Variants in ENTPD1 observed in about 807,000 individuals in gnomAD.
ENTPD1 encodes ATP diphosphohydrolase.
A neutral mutation model predicts 57.0 loss-of-function variants in ENTPD1; 33 were observed. The observed-to-expected ratio is 0.58, with a 90% CI of 0.44 to 0.77. ENTPD1 has a LOEUF of 0.77. Among genes scored for constraint, ENTPD1 ranks in the 30% least tolerant of loss-of-function variants. The probability of loss-of-function intolerance (pLI) is 0.00; values close to 1 mark genes in which losing one functional copy is unlikely to be tolerated. For missense variants in ENTPD1, 501 were observed against 603.4 expected, an observed-to-expected ratio of 0.83 and a Z score of 1.78; for synonymous variants, 202 against 218.8, an observed-to-expected ratio of 0.92 and a Z score of 0.68.
intron 1 of ENTPD1, among the ~76,000 whole-genome samples, chr10:95,735,797 G>A (rs909917800): frequency 1.3e-5 from 2 of 151,392 alleles, no homozygotes; most frequent in Non-Finnish European, 2.9e-5. Flanking sequence ...GTGTTTCACC[G>A]TGTTGTCCAG....
At chr10:95,703,816 C>T in the ENTPD1 span, among the ~76,000 whole-genome samples, 13 of 142,712 alleles carry the variant, frequency 9.1e-5, no homozygotes, top group Admixed American at 1.4e-4. Context: ...TCTGACTGGG[C>T]GCAGTGGCTC....
Position 95,868,043 on chromosome 10 carries a change from A to G in ENTPD1, c.*1660A>G. The G allele has an allele frequency of 2.0e-6, 2 of 985,454 alleles. No homozygotes were observed. The highest frequency in any genetic ancestry group is 2.4e-6 in the Non-Finnish European group (2 of 829,936). 61.0% of individuals were successfully genotyped at this position (985,454 alleles called of 1,614,324 possible). A position where few individuals can be genotyped will look rare whatever the true frequency, so the allele number is the denominator to read the frequency against. On this transcript the variant is annotated 3_prime_UTR_variant, in exon 10 of 10. Coordinates refer to ENST00000371205, the MANE Select transcript of ENTPD1 (RefSeq NM_001776.6). ...ATACTGTCATCGCTGCTGTTGGTTG[A>G]GCATTTGTGGTGTACCACGCTGTGT...
At chr10:95,792,954 A>G (rs2098211465) in intron 1 of ENTPD1, among the ~76,000 whole-genome samples, 1 of 152,112 alleles carries the variant, frequency 6.6e-6, no homozygotes, top group Non-Finnish European at 1.5e-5. Context: ...ATAGTACCAT[A>G]CTTGTGTGTC....
chr10:95,743,064 T>C (rs1321964274), intron 1 of ENTPD1, among the ~76,000 whole-genome samples: 1 of 152,258 alleles, frequency 6.6e-6, no homozygotes, highest in Non-Finnish European at 1.5e-5. Flanking sequence ...CCCAATGTTC[T>C]TTTCTGTTCC....
At chr10:95,854,719 C>T (rs1309680613) in intron 7 of ENTPD1, among the ~76,000 whole-genome samples, 7 of 152,134 alleles carry the variant, frequency 4.6e-5, no homozygotes, top group Non-Finnish European at 1.0e-4. Flanking sequence ...GCAGGTTGTT[C>T]AGTTTCCATG....
intron 1 of ENTPD1, among the ~76,000 whole-genome samples, chr10:95,746,329 T>C (rs2098006017): frequency 6.6e-6 from 1 of 152,058 alleles, no homozygotes; most frequent in Non-Finnish European, 1.5e-5. Flanking sequence ...GTGAAGTAGA[T>C]TAAAAAAAAG....
At chr10:95,766,704 G>C (rs1365607784) in intron 1 of ENTPD1, among the ~76,000 whole-genome samples, 1 of 151,718 alleles carries the variant, frequency 6.6e-6, no homozygotes, top group African/African-American at 2.4e-5. Flanking sequence ...TTTTAATAAA[G>C]GAATGTAAAC....
intron 1 of ENTPD1, among the ~76,000 whole-genome samples, chr10:95,807,260 C>T (rs2098276986): frequency 1.3e-5 from 2 of 152,234 alleles, no homozygotes; most frequent in Non-Finnish European, 2.9e-5. Flanking sequence ...GCGGTTCAAT[C>T]TCAGACTGCT....
At chr10:95,731,248 G>A (rs7094855) in intron 1 of ENTPD1, among the ~76,000 whole-genome samples, 40,961 of 151,890 alleles carry the variant, frequency 0.27, 6,130 homozygotes, top group African/African-American at 0.4. Context: ...CTGAGAGACC[G>A]GCCAGAGTGA....
intron 1 of ENTPD1, among the ~76,000 whole-genome samples, chr10:95,784,818 T>C (rs1175330943): frequency 6.6e-6 from 1 of 152,124 alleles, no homozygotes; most frequent in African/African-American, 2.4e-5. Flanking sequence ...GCTTCAAGTC[T>C]CTCATTACTT....
chr10:95,831,149 G>A (rs1389344777), intron 2 of ENTPD1, among the ~76,000 whole-genome samples: 1 of 152,196 alleles, frequency 6.6e-6, no homozygotes, highest in African/African-American at 2.4e-5. Flanking sequence ...CCTTGGGACG[G>A]TTAATGCTGA....
At chr10:95,854,625 A>G (rs1331438435) in intron 7 of ENTPD1, among the ~76,000 whole-genome samples, 1 of 152,050 alleles carries the variant, frequency 6.6e-6, no homozygotes, top group Non-Finnish European at 1.5e-5. Flanking sequence ...AGATTCTGGT[A>G]TGTTGTGTCT....
chr10:95,797,304 C>T (rs554318621), intron 1 of ENTPD1, among the ~76,000 whole-genome samples: 1 of 151,976 alleles, frequency 6.6e-6, no homozygotes, highest in African/African-American at 2.4e-5. Context: ...GCAGATATGT[C>T]CAGTAGGTGA....
At chr10:95,749,703 G>C (rs559027240) in intron 1 of ENTPD1, among the ~76,000 whole-genome samples, 5 of 152,280 alleles carry the variant, frequency 3.3e-5, no homozygotes, top group East Asian at 3.9e-4. Flanking sequence ...AGACTTGGAG[G>C]CTAGAGCTGA....
chr10:95,873,155 A>G lies in ENTPD1; in HGVS notation c.*6772A>G, dbSNP rs1285639256. The G allele has an allele frequency of 1.0e-5, 10 of 984,924 alleles. No homozygotes were observed. The highest frequency in any genetic ancestry group is 1.7e-5 in the African/African-American group (1 of 57,228). 61.0% of individuals were successfully genotyped at this position (984,924 alleles called of 1,614,324 possible). On this transcript the variant is annotated 3_prime_UTR_variant, in exon 10 of 10. Coordinates refer to ENST00000371205, the MANE Select transcript of ENTPD1 (RefSeq NM_001776.6). ...CCAGGTAAAGCCAATACATCTGTCCAGGAATCACACTTTGCGTATCAAAGG... is the reference window on the plus strand; with the variant it reads ...CCAGGTAAAGCCAATACATCTGTCCGGGAATCACACTTTGCGTATCAAAGG...
At position 95,858,434 on chromosome 10, in the gene ENTPD1, C is replaced by G. The variant is rs183455523; in HGVS notation, c.1075-2035C>G. On this transcript the variant is annotated intron_variant, in intron 7 of 9. Coordinates refer to ENST00000371205, the MANE Select transcript of ENTPD1 (RefSeq NM_001776.6). The stretch of plus-strand genomic sequence containing the variant: ...TTATTCTAAGTATAATTAGGAGCCA[C>G]CAAAGGTTTTAAGCAGGGGAGTGAT... 3.5e-3 allele frequency among the ~76,000 whole-genome samples: 537 copies of G among 152,170 alleles called. 8 individuals carry two copies. Among genetic ancestry groups the G allele is most frequent in the Admixed American group, 0.033 (505 of 15,282 alleles).
chr10:95,767,020 C>G (rs532659999), intron 1 of ENTPD1, among the ~76,000 whole-genome samples: 1 of 152,058 alleles, frequency 6.6e-6, no homozygotes, highest in African/African-American at 2.4e-5. Flanking sequence ...GCTAGGGCTA[C>G]AGGCGTGCAC....
At chr10:95,769,310 G>A (rs1296136715) in intron 1 of ENTPD1, among the ~76,000 whole-genome samples, 1 of 152,120 alleles carries the variant, frequency 6.6e-6, no homozygotes, top group East Asian at 1.9e-4. Flanking sequence ...CCTTTTTTTG[G>A]ATATCATTTC....
chr10:95,828,259 G>A (rs1003237678), intron 2 of ENTPD1, among the ~76,000 whole-genome samples: 18 of 152,216 alleles, frequency 1.2e-4, no homozygotes, highest in African/African-American at 3.9e-4. Flanking sequence ...ATGTAGGATC[G>A]GGATTGCGTG....
Sources: allele counts gnomAD v4.1 joint callset (sites outside exome capture counted in the v4.1 genomes callset), GRCh38; gene constraint gnomAD v4.1.1; transcripts MANE v1.5; gene names NCBI Gene and HGNC (gene_info 2026-07-23, HGNC 2026-07-21).